Variants in NSD2 observed in about 807,000 individuals in gnomAD.
NSD2 encodes the protein nuclear receptor binding SET domain protein 2.
A neutral mutation model predicts 139.0 loss-of-function variants in NSD2; 12 were observed. The ratio of observed to expected loss-of-function variants is 0.09; its 90% CI spans 0.06 to 0.14. The LOEUF (loss-of-function observed/expected upper bound fraction) is 0.14, where lower values mean the gene tolerates loss of function less well. NSD2 is among the 10% of genes least tolerant of loss of function. NSD2 has a pLI of 1.00. For missense variants in NSD2, 1,155 were observed against 1,745.0 expected, an observed-to-expected ratio of 0.66 and a Z score of 6.02; for synonymous variants, 669 against 648.7, an observed-to-expected ratio of 1.03 and a Z score of -0.48.
At position 1,958,878 on chromosome 4, in the gene NSD2, C is replaced by T. The variant is rs1164785145; in HGVS notation, c.2986-593C>T. On this transcript the variant is annotated intron_variant, in intron 16 of 21. Transcript: ENST00000508803. The surrounding 1 kb of genome is among the most constrained non-coding windows in gnomAD (Gnocchi z 4.6). ...GTGAAAAGAGTGTCTTTCGCCACCT[C>T]TTCCCTAAGATTATGCATTTCTACC... Among the ~76,000 whole-genome samples the T allele has an allele frequency of 2.0e-5, 3 of 152,234 alleles. No individual in the cohort carries two copies. The East Asian group carries it at 5.8e-4, about 29-fold the overall frequency.
intron 3 of NSD2, among the ~76,000 whole-genome samples, chr4:1,905,113 A>G (rs962853997): frequency 2.0e-5 from 3 of 152,114 alleles, no homozygotes; most frequent in Non-Finnish European, 4.4e-5. Flanking sequence ...CTGGGCAACA[A>G]CAGCGAAACT....
intron 5 of NSD2, among the ~76,000 whole-genome samples, chr4:1,923,103 A>G (rs976030485): frequency 6.6e-6 from 1 of 152,066 alleles, no homozygotes; most frequent in African/African-American, 2.4e-5. Flanking sequence ...CCAGCATGGG[A>G]GAGGAGCTTT....
intron 3 of NSD2, among the ~76,000 whole-genome samples, chr4:1,906,838 T>G (rs1717981076): frequency 6.6e-6 from 1 of 151,780 alleles, no homozygotes; most frequent in African/African-American, 2.4e-5. Flanking sequence ...TTTTTGTATT[T>G]TTAGTAGAGA....
chr4:1,920,033 G>GAGT, intron 5 of NSD2, among the ~76,000 whole-genome samples: 1 of 152,228 alleles, frequency 6.6e-6, no homozygotes, highest in East Asian at 1.9e-4. Context: ...AAGGAGCCAT[G>GAGT]AGTAGTTCAG....
intron 1 of NSD2, among the ~76,000 whole-genome samples, chr4:1,894,703 A>T (rs2108719006): frequency 6.6e-6 from 1 of 152,018 alleles, no homozygotes; most frequent in South Asian, 2.1e-4. Context: ...GAAAAGAAGA[A>T]GTTGTCTTTC....
chr4:1,938,402 T>G, intron 7 of NSD2, 49 bp from the exon 8 acceptor site: 3 of 1,094,968 alleles, frequency 2.7e-6, no homozygotes, highest in African/African-American at 2.2e-5. Context: ...TTTTCTTTTC[T>G]TTTTTTTTTC....
At chr4:1,889,899 T>C (rs887676195) in intron 1 of NSD2, among the ~76,000 whole-genome samples, 5 of 152,154 alleles carry the variant, frequency 3.3e-5, no homozygotes, top group Admixed American at 6.5e-5. Context: ...TTTTGGTATG[T>C]TCAGTGTTGT....
rs1724789914 is a variant in NSD2 at position 1,956,230 on chromosome 4, G to T, written c.2881+42G>T. On this transcript the variant is annotated intron_variant, in intron 15 of 21. Transcript: ENST00000508803. This position sits in a 1 kb window ranked among gnomAD's most constrained non-coding sequence, Gnocchi z 5.3. Reference sequence around the variant, plus strand: ...ATAGAGAGTGAGACAGCACTCTCGTGCATTTTCTTACCCCTAATTTCTATT... The same window carrying T: ...ATAGAGAGTGAGACAGCACTCTCGTTCATTTTCTTACCCCTAATTTCTATT... 2.0e-6 allele frequency: 3 copies of T among 1,486,576 alleles called. No homozygotes were observed. The highest frequency in any genetic ancestry group is 2.6e-5 in the South Asian group (2 of 75,810). 92.1% of individuals were successfully genotyped at this position (1,486,576 alleles called of 1,614,324 possible).
At chr4:1,930,595 C>T in intron 5 of NSD2, 31 bp from the exon 6 acceptor site, 7 of 1,571,734 alleles carry the variant, frequency 4.5e-6, no homozygotes, top group South Asian at 1.2e-5. Context: ...ACGGATTTAA[C>T]TTCTCATTGC....
chr4:1,891,924 A>G (rs144351518), intron 1 of NSD2, among the ~76,000 whole-genome samples: 3,603 of 151,440 alleles, frequency 0.024, 60 homozygotes, highest in Non-Finnish European at 0.038. Flanking sequence ...AGAAATGCAC[A>G]CTAGGGCTTA....
At chr4:1,896,715 C>A (rs1217546743) in intron 1 of NSD2, among the ~76,000 whole-genome samples, 4 of 149,506 alleles carry the variant, frequency 2.7e-5, no homozygotes, top group Non-Finnish European at 4.4e-5. Context: ...CCTCTCCTTC[C>A]TTCCTTTCCT....
intron 9 of NSD2, chr4:1,946,952 C>G: frequency 1.9e-6 from 2 of 1,060,626 alleles, no homozygotes; most frequent in Non-Finnish European, 2.3e-6. Context: ...GCATATAACT[C>G]TCGGGTAATA....
At chr4:1,949,800 C>G (rs1724024418) in intron 9 of NSD2, among the ~76,000 whole-genome samples, 1 of 151,016 alleles carries the variant, frequency 6.6e-6, no homozygotes, top group Non-Finnish European at 1.5e-5. Context: ...TAACACTACT[C>G]TGAAGTCAGC....
Position 1,961,073 on chromosome 4 carries a change from C to A in NSD2, c.3294C>A (p.Asp1098Glu). 1 of 1,613,612 alleles carries A rather than the reference C, an allele frequency of 6.2e-7. No homozygotes were observed. Among genetic ancestry groups the A allele is most frequent in the Non-Finnish European group, 8.5e-7 (1 of 1,179,630 alleles). Residue 1098 changes from aspartate (D) to glutamate (E), a missense_variant, in exon 18 of 22, where the codon GAC (aspartate) becomes GAA (glutamate). Transcript: ENST00000508803. ...ACGAGTACGTTGGGGAGCTGATCGA[C>A]GAGGAGGAGTGCATGGCGAGAATCA... ...FVNEYVGELI[D>E]EEECMARIKH...
intron 21 of NSD2, among the ~76,000 whole-genome samples, chr4:1,977,826 C>G (rs966845617): frequency 2.1e-5 from 3 of 141,008 alleles, no homozygotes; most frequent in Non-Finnish European, 4.6e-5. Flanking sequence ...AAAAACAAAA[C>G]TATAAAAAGA....
In NSD2 at chr4:1,901,166, G is replaced by A. The variant is rs768831620; in HGVS notation, c.512G>A (p.Arg171Lys). The change falls in exon 2 of 22, where the codon AGG becomes AAG. Residue 171 changes from arginine to lysine, a missense_variant. Around this residue, in one of 8 missense-constraint regions of NSD2, gnomAD observed 246 missense variants for 262.8 expected, o/e 0.94. Coordinates refer to ENST00000508803, the MANE Select transcript of NSD2 (RefSeq NM_001042424.3). ...AACAAGGCGAGAAGGAACAGGAAGAGGAGCATAAAATATGACTCCTTGCTG... is the reference window on the plus strand; with the variant it reads ...AACAAGGCGAGAAGGAACAGGAAGAAGAGCATAAAATATGACTCCTTGCTG... ...PENKARRNRK[R>K]SIKYDSLLEQ... The A allele has an allele frequency of 9.3e-6, 15 of 1,614,024 alleles. No homozygotes were observed. In the South Asian group the frequency reaches 1.6e-4, roughly 18 times the overall value.
At chr4:1,977,999 C>A (rs559571111) in intron 21 of NSD2, among the ~76,000 whole-genome samples, 1 of 151,446 alleles carries the variant, frequency 6.6e-6, no homozygotes, top group Non-Finnish European at 1.5e-5. Context: ...TGGTGGCGGG[C>A]GCCTGTAATC....
At chr4:1,975,110 T>G in intron 19 of NSD2, 106 bp downstream of exon 19, 1 of 1,550,764 alleles carries the variant, frequency 6.4e-7, no homozygotes, top group Non-Finnish European at 8.8e-7. Context: ...GGGAGGTGGG[T>G]GCTGATGTGG....
rs780454337 is a variant in NSD2, at chr4:1,959,509, G to A, written c.3024G>A (p.Ala1008=). ...ACGGGAAAGTCCAGATCTACACAGC[G>A]GATATTTCAGAAATCCCTAAGTGCA... ...KPYGKVQIYT[A]DISEIPKCNC... Residue 1008 remains alanine, a synonymous_variant, in exon 17 of 22, where the codon GCG becomes GCA. Transcript: ENST00000508803. The A allele has an allele frequency of 3.7e-6, 6 of 1,614,044 alleles. No individual in the cohort carries two copies. In the South Asian group the frequency reaches 4.4e-5, roughly 12 times the overall value.
Sources: allele counts gnomAD v4.1 joint callset (sites outside exome capture counted in the v4.1 genomes callset), GRCh38; gene constraint gnomAD v4.1.1; regional missense constraint gnomAD v4.1.1; non-coding constraint Gnocchi (gnomAD v3.1); transcripts MANE v1.5; gene names NCBI Gene and HGNC (gene_info 2026-07-23, HGNC 2026-07-21).